Variants in SHISA9 observed in about 807,000 individuals in gnomAD.
SHISA9 encodes the protein shisa family member 9, also known as protein shisa-9.
SHISA9 carries 13 observed loss-of-function variants against 38.0 expected under a neutral mutation model. The ratio of observed to expected loss-of-function variants is 0.34; its 90% CI spans 0.22 to 0.54. The LOEUF is 0.54. Ranked by LOEUF, SHISA9 falls within the 20% of genes least tolerant of loss-of-function variation. The pLI is 0.91. For synonymous variants in SHISA9, 275 were observed against 242.0 expected (o/e 1.14, Z -1.27); for missense variants, 538 against 575.8 (o/e 0.93, Z 0.67).
chr16:13,375,287 G>T, the SHISA9 span, among the ~76,000 whole-genome samples: 1 of 152,162 alleles, frequency 6.6e-6, no homozygotes, highest in Non-Finnish European at 1.5e-5. Flanking sequence ...TTTTCTTCCA[G>T]AGTTTTTATG....
chr16:13,375,355 G>A, the SHISA9 span, among the ~76,000 whole-genome samples: 5 of 151,944 alleles, frequency 3.3e-5, no homozygotes, highest in Non-Finnish European at 5.9e-5. Flanking sequence ...TGTATAAGAT[G>A]TAAGGAAGGG....
intron 2 of SHISA9, among the ~76,000 whole-genome samples, chr16:12,931,308 G>GGGACCAT (rs1357072954): frequency 1.3e-5 from 2 of 152,088 alleles, no homozygotes; most frequent in Non-Finnish European, 2.9e-5. Flanking sequence ...TAGATTCAGG[G>GGGACCAT]GGACCATGCA....
chr16:13,118,400 C>G (rs529022391), intron 2 of SHISA9, among the ~76,000 whole-genome samples: 5 of 152,070 alleles, frequency 3.3e-5, no homozygotes, highest in Non-Finnish European at 7.4e-5. Flanking sequence ...AAGAAGAGAA[C>G]AGGACATTTT....
chr16:13,068,786 T>C (rs1269998089), intron 2 of SHISA9, among the ~76,000 whole-genome samples: 3 of 152,194 alleles, frequency 2.0e-5, no homozygotes, highest in African/African-American at 7.2e-5. Context: ...ACCTGCAATA[T>C]GTGTATGCAT....
chr16:13,113,207 CT>C (rs2073996852), intron 2 of SHISA9, among the ~76,000 whole-genome samples: 1 of 81,148 alleles, frequency 1.2e-5, no homozygotes, highest in Non-Finnish European at 2.4e-5. Context: ...GAGACTCCAT[CT>C]CAAAAAAAAA....
chr16:13,097,227 T>C lies in SHISA9; in HGVS notation c.692-106167T>C, dbSNP rs549659252. On this transcript the variant is annotated intron_variant, in intron 2 of 4. Transcript: ENST00000558583. Reference sequence around the variant, plus strand: ...CTCCTTCATGTTACATTGGGAGGAATTGAGGCCCAGGGAAGGGAAGGGAAT... The same window carrying C: ...CTCCTTCATGTTACATTGGGAGGAACTGAGGCCCAGGGAAGGGAAGGGAAT... 2.6e-5 allele frequency among the ~76,000 whole-genome samples: 4 copies of C among 152,198 alleles called. No homozygotes were observed. In the East Asian group the frequency reaches 5.8e-4, roughly 22 times the overall value.
At chr16:13,136,396 C>CTTTTTTTTTTTTTTTTTTTTT (rs35122409) in intron 2 of SHISA9, among the ~76,000 whole-genome samples, 2 of 68,090 alleles carry the variant, frequency 2.9e-5, no homozygotes, top group African/African-American at 6.3e-5. Context: ...CAGTTTCCTT[C>CTTTTTTTTTTTTTTTTTTTTT]TTTTTTTTTT....
the SHISA9 span, among the ~76,000 whole-genome samples, chr16:13,401,133 A>G: frequency 9.5e-3 from 1,446 of 152,316 alleles, 32 homozygotes; most frequent in African/African-American, 0.033. Flanking sequence ...TCTCCCAAGG[A>G]TTAAATAGAA....
chr16:13,285,791 C>G, the SHISA9 span, among the ~76,000 whole-genome samples: 1 of 152,038 alleles, frequency 6.6e-6, no homozygotes, highest in Non-Finnish European at 1.5e-5. Context: ...GTTCTTTAAC[C>G]CATCTGTTTT....
At chr16:13,326,090 A>T in the SHISA9 span, among the ~76,000 whole-genome samples, 1 of 152,072 alleles carries the variant, frequency 6.6e-6, no homozygotes, top group African/African-American at 2.4e-5. Context: ...AAGAAAGAAA[A>T]AAAAGATGCT....
chr16:13,523,485 A>T, the SHISA9 span, among the ~76,000 whole-genome samples: 1 of 152,178 alleles, frequency 6.6e-6, no homozygotes, highest in African/African-American at 2.4e-5. Flanking sequence ...GACTTAATTC[A>T]TTCATAGTTC....
At chr16:13,360,255 G>C in the SHISA9 span, among the ~76,000 whole-genome samples, 2 of 152,220 alleles carry the variant, frequency 1.3e-5, no homozygotes, top group African/African-American at 4.8e-5. Context: ...AAATTTTGCT[G>C]CAGCTGATGC....
the SHISA9 span, among the ~76,000 whole-genome samples, chr16:13,298,389 AT>A: frequency 1.3e-5 from 2 of 152,184 alleles, no homozygotes; most frequent in Non-Finnish European, 2.9e-5. Flanking sequence ...ATTATTATCA[AT>A]AATAAACACG....
At chr16:13,130,344 T>C (rs1485100284) in intron 2 of SHISA9, among the ~76,000 whole-genome samples, 1 of 152,188 alleles carries the variant, frequency 6.6e-6, no homozygotes, top group Non-Finnish European at 1.5e-5. Context: ...TCTCCCAAAA[T>C]CACAACAGTA....
chr16:13,051,283 G>T (rs1260441470), intron 2 of SHISA9, among the ~76,000 whole-genome samples: 1 of 152,166 alleles, frequency 6.6e-6, no homozygotes, highest in Non-Finnish European at 1.5e-5. Context: ...ATGTGCAGGG[G>T]AACTCCCATT....
chr16:13,084,019 C>G (rs1325565461), intron 2 of SHISA9, among the ~76,000 whole-genome samples: 1 of 152,116 alleles, frequency 6.6e-6, no homozygotes, highest in Admixed American at 6.5e-5. Context: ...GGTCAAACTG[C>G]TAGCAGGCAT....
the SHISA9 span, among the ~76,000 whole-genome samples, chr16:13,554,962 A>G: frequency 1.3e-5 from 2 of 152,256 alleles, no homozygotes; most frequent in Admixed American, 6.5e-5. Flanking sequence ...ATTTGAGGCC[A>G]TATCTCCTTG....
At chr16:13,288,256 A>G in the SHISA9 span, among the ~76,000 whole-genome samples, 1 of 152,206 alleles carries the variant, frequency 6.6e-6, no homozygotes, top group African/African-American at 2.4e-5. Flanking sequence ...ACAAAATTCC[A>G]TAGACTGGGT....
the SHISA9 span, among the ~76,000 whole-genome samples, chr16:13,313,498 A>G: frequency 6.6e-6 from 1 of 152,206 alleles, no homozygotes; most frequent in Non-Finnish European, 1.5e-5. Context: ...TTATTTAGCC[A>G]TATGGAGGTA....
Sources: allele counts gnomAD v4.1 joint callset (sites outside exome capture counted in the v4.1 genomes callset), GRCh38; gene constraint gnomAD v4.1.1; transcripts MANE v1.5; gene names NCBI Gene and HGNC (gene_info 2026-07-23, HGNC 2026-07-21).